Variants in GALNTL6 observed in about 807,000 individuals in gnomAD.
GALNTL6 encodes the protein polypeptide N-acetylgalactosaminyltransferase-like 6.
GALNTL6 carries 46 observed loss-of-function variants against 73.7 expected under a neutral mutation model. The observed-to-expected ratio is 0.62, with a 90% CI of 0.49 to 0.80. GALNTL6 has a LOEUF of 0.80. GALNTL6 is among the 30% of genes least tolerant of loss of function. GALNTL6 has a pLI of 0.00. For synonymous variants in GALNTL6, 259 were observed against 263.7 expected (o/e 0.98, Z 0.17); for missense variants, 604 against 755.0 (o/e 0.80, Z 2.34).
chr4:172,371,763 G>A (rs925044474), intron 5 of GALNTL6, among the ~76,000 whole-genome samples: 1 of 150,360 alleles, frequency 6.7e-6, no homozygotes, highest in African/African-American at 2.5e-5. Context: ...CTTTCTACTG[G>A]TCTTTCCCTG....
chr4:171,918,766 A>G (rs954677411), intron 2 of GALNTL6, among the ~76,000 whole-genome samples: 1 of 152,164 alleles, frequency 6.6e-6, no homozygotes, highest in Non-Finnish European at 1.5e-5. Context: ...CAGAGGAATA[A>G]AGAAAATATG....
chr4:172,249,280 G>A (rs1463678277), intron 3 of GALNTL6, among the ~76,000 whole-genome samples: 1 of 152,192 alleles, frequency 6.6e-6, no homozygotes, highest in Non-Finnish European at 1.5e-5. Context: ...CCTTGCCCTA[G>A]AGATCTATGA....
chr4:171,907,251 G>T (rs1578960417), intron 2 of GALNTL6, among the ~76,000 whole-genome samples: 1 of 152,116 alleles, frequency 6.6e-6, no homozygotes, highest in Non-Finnish European at 1.5e-5. Context: ...AAACCCCATT[G>T]TCTCAGCCCA....
In GALNTL6 at chr4:172,537,650, GT is replaced by G. The variant is rs565125237; in HGVS notation, c.553+188970del. ...AGTGATATATTGTGTGTTTGTCTAA[GT>G]TTTTTTTTATATTTGTGTTATTATA... is the stretch of plus-strand genomic sequence containing the variant. On this transcript the variant is annotated intron_variant, in intron 5 of 12. Transcript: ENST00000506823. Among the ~76,000 whole-genome samples the G allele has an allele frequency of 3.5e-3, 525 of 151,682 alleles. 3 individuals are homozygous for G. The highest frequency in any genetic ancestry group is 0.011 in the African/African-American group (462 of 41,396).
chr4:172,860,436 A>G (rs532114786), intron 7 of GALNTL6, among the ~76,000 whole-genome samples: 30 of 152,306 alleles, frequency 2.0e-4, no homozygotes, highest in African/African-American at 6.5e-4. Context: ...AAGACAGACT[A>G]AAATTGGACC....
chr4:172,520,186 A>G (rs1388193296), intron 5 of GALNTL6, among the ~76,000 whole-genome samples: 2 of 151,918 alleles, frequency 1.3e-5, no homozygotes, highest in African/African-American at 4.8e-5. Context: ...AATACTAAAG[A>G]AGTTAATGTC....
intron 2 of GALNTL6, among the ~76,000 whole-genome samples, chr4:171,894,143 C>T (rs1578948042): frequency 6.6e-6 from 1 of 152,282 alleles, no homozygotes; most frequent in African/African-American, 2.4e-5. Flanking sequence ...AAGAATTGTT[C>T]ATGTATAATT....
At chr4:171,953,911 G>C (rs1738965096) in intron 2 of GALNTL6, among the ~76,000 whole-genome samples, 1 of 152,024 alleles carries the variant, frequency 6.6e-6, no homozygotes, top group African/African-American at 2.4e-5. Context: ...CATTTTAAAA[G>C]TCATTACAAT....
intron 5 of GALNTL6, among the ~76,000 whole-genome samples, chr4:172,787,900 A>G (rs1425224589): frequency 6.6e-6 from 1 of 152,266 alleles, no homozygotes; most frequent in Admixed American, 6.5e-5. Flanking sequence ...CAGATCACAG[A>G]ACATTAAAGA....
At chr4:171,968,460 CTA>C (rs1268393345) in intron 2 of GALNTL6, among the ~76,000 whole-genome samples, 9 of 152,168 alleles carry the variant, frequency 5.9e-5, no homozygotes, top group Non-Finnish European at 1.0e-4. Context: ...TGCTTCTTCT[CTA>C]TGTTTGTGTC....
chr4:172,309,388 A>G (rs1740269606), intron 3 of GALNTL6, among the ~76,000 whole-genome samples: 1 of 148,042 alleles, frequency 6.8e-6, no homozygotes, highest in South Asian at 2.2e-4. Context: ...TAAAGTGAAA[A>G]ATATAAAAAT....
At chr4:172,973,125 C>T (rs577905308) in intron 10 of GALNTL6, among the ~76,000 whole-genome samples, 1 of 152,076 alleles carries the variant, frequency 6.6e-6, no homozygotes, top group Admixed American at 6.6e-5. Flanking sequence ...ATTCCTGATG[C>T]AATAACTGAT....
intron 10 of GALNTL6, among the ~76,000 whole-genome samples, chr4:172,986,757 A>G (rs758385801): frequency 3.6e-4 from 55 of 152,202 alleles, no homozygotes; most frequent in Non-Finnish European, 2.2e-4. Context: ...GTTAGGCACA[A>G]TCTATCCAGA....
intron 3 of GALNTL6, among the ~76,000 whole-genome samples, chr4:172,239,845 C>G (rs548903539): frequency 1.3e-5 from 2 of 152,184 alleles, no homozygotes; most frequent in East Asian, 3.9e-4. Context: ...TCTGTTAAGT[C>G]CATTTGATCA....
chr4:171,952,443 A>G (rs1027889091), intron 2 of GALNTL6, among the ~76,000 whole-genome samples: 1 of 151,990 alleles, frequency 6.6e-6, no homozygotes, highest in African/African-American at 2.4e-5. Flanking sequence ...ATTATAAACC[A>G]ATCTCAACTA....
intron 2 of GALNTL6, among the ~76,000 whole-genome samples, chr4:171,900,916 T>G (rs1337346825): frequency 6.6e-6 from 1 of 152,124 alleles, no homozygotes; most frequent in Non-Finnish European, 1.5e-5. Flanking sequence ...TGGATTTGAT[T>G]AAGGAGGCAA....
At chr4:173,035,185 T>G (rs1340694531) in intron 12 of GALNTL6, among the ~76,000 whole-genome samples, 1 of 151,436 alleles carries the variant, frequency 6.6e-6, no homozygotes, top group Non-Finnish European at 1.5e-5. Flanking sequence ...ATGCTCTTTT[T>G]TTTTTTTTTT....
intron 8 of GALNTL6, among the ~76,000 whole-genome samples, chr4:172,919,518 C>T (rs1747689672): frequency 6.6e-6 from 1 of 152,122 alleles, no homozygotes; most frequent in African/African-American, 2.4e-5. Context: ...CAGGACATGG[C>T]AAGATTGACA....
At chr4:172,259,627 A>T (rs1001449916) in intron 3 of GALNTL6, among the ~76,000 whole-genome samples, 4 of 150,998 alleles carry the variant, frequency 2.6e-5, no homozygotes, top group African/African-American at 9.7e-5. Flanking sequence ...AGTTCCATCT[A>T]TTTATTTTTG....
Sources: gnomAD v4.1 joint callset for allele counts (sites outside exome capture counted in the v4.1 genomes callset) on GRCh38, gnomAD v4.1.1 for gene constraint, MANE v1.5 for transcripts, NCBI Gene and HGNC (gene_info 2026-07-23, HGNC 2026-07-21) for gene names.